Variants in CCDC61 observed in about 807,000 individuals in gnomAD.
The protein encoded by CCDC61 is coiled-coil domain containing 61.
CCDC61 carries 55 observed loss-of-function variants against 63.0 expected under a neutral mutation model. The ratio of observed to expected loss-of-function variants is 0.87; its 90% CI spans 0.70 to 1.09. The LOEUF (loss-of-function observed/expected upper bound fraction) is 1.09, where lower values mean the gene tolerates loss of function less well. Among genes scored for constraint, CCDC61 ranks in the 50% least tolerant of loss-of-function variants. CCDC61 has a pLI of 0.00. For missense variants in CCDC61, 651 were observed against 731.4 expected, an observed-to-expected ratio of 0.89 and a Z score of 1.27; for synonymous variants, 270 against 317.0, an observed-to-expected ratio of 0.85 and a Z score of 1.58.
intron 2 of CCDC61, 67 bp from the exon 3 acceptor site, chr19:46,003,352 C>A: frequency 6.6e-7 from 1 of 1,511,298 alleles, no homozygotes; most frequent in Non-Finnish European, 9.1e-7. Flanking sequence ...AATTGCAGAG[C>A]TTAGGTGCAT....
chr19:46,004,835 C>CTTTT (rs748867869), intron 3 of CCDC61, among the ~76,000 whole-genome samples: 7 of 95,266 alleles, frequency 7.3e-5, no homozygotes, highest in African/African-American at 1.3e-4. Context: ...ATTTAGATAT[C>CTTTT]TTTTTTTTTT....
chr19:46,003,511 G>T lies in CCDC61; in HGVS notation c.231+10G>T. On this transcript the variant is annotated intron_variant, in intron 3 of 13. Coordinates refer to ENST00000595358, the MANE Select transcript of CCDC61 (RefSeq NM_001267723.2). ...GTCAGCCCTCACTCAGGTAGGGCCC[G>T]GGTTGGCGGGTTGGGGTGGGAGGGG... The T allele has an allele frequency of 6.3e-7, 1 of 1,596,856 alleles. No individual in the cohort carries two copies. The highest frequency in any genetic ancestry group is 2.2e-5 in the East Asian group (1 of 44,704).
chr19:46,003,557 A>AG lies in CCDC61; in HGVS notation c.231+62dup, dbSNP rs985744211. 4 of 1,311,858 alleles carry AG rather than the reference A, an allele frequency of 3.0e-6. No homozygotes were observed. The African/African-American group carries it at 4.4e-5, about 14-fold the overall frequency. The allele number at this position is 1,311,858 out of a possible 1,614,324, so 81.3% of individuals were successfully genotyped here. A position where few individuals can be genotyped will look rare whatever the true frequency, so the allele number is the denominator to read the frequency against. On this transcript the variant is annotated intron_variant, in intron 3 of 13. Transcript: ENST00000595358. ...AGGGGGGTTCTGTCTTCCAGGTTCC[A>AG]GGGGGGTTGATGCCCATCTGATGTA...
At chr19:46,003,741 GC>G (rs1250245043) in intron 3 of CCDC61, among the ~76,000 whole-genome samples, 2 of 151,972 alleles carry the variant, frequency 1.3e-5, no homozygotes, top group African/African-American at 4.8e-5. Context: ...AATCACTCCA[GC>G]CCTAATACTC....
At chr19:45,995,575 C>T in intron 1 of CCDC61, 71 bp downstream of exon 1, 6 of 433,910 alleles carry the variant, frequency 1.4e-5, no homozygotes, top group South Asian at 9.8e-5. Flanking sequence ...AGGGGCTTCT[C>T]TCGGGGGAGA....
chr19:46,006,082 C>T (rs925219657), intron 3 of CCDC61, among the ~76,000 whole-genome samples: 6 of 152,132 alleles, frequency 3.9e-5, no homozygotes, highest in Non-Finnish European at 5.9e-5. Flanking sequence ...TTCTCTTCCC[C>T]AGCCCCCCAC....
chr19:46,016,913 C>A lies in CCDC61; in HGVS notation c.1232-78C>A. On this transcript the variant is annotated intron_variant, in intron 10 of 13. Coordinates refer to ENST00000595358, the MANE Select transcript of CCDC61 (RefSeq NM_001267723.2). This position sits in a 1 kb window ranked among gnomAD's most constrained non-coding sequence, Gnocchi z 7.2. ...GCGGGCTGGGAGGCACTGGGCAGGG[C>A]GGGCGGGCTGGGAGGGCCTGGGAAG... 1 of 257,890 alleles carries A rather than the reference C, an allele frequency of 3.9e-6. No homozygotes were observed. The highest frequency in any genetic ancestry group is 7.7e-6 in the Non-Finnish European group (1 of 129,998). The allele number at this position is 257,890 out of a possible 1,614,324, so 16.0% of individuals were successfully genotyped here.
At chr19:46,012,199 G>A (rs1157314446) in intron 5 of CCDC61, among the ~76,000 whole-genome samples, 1 of 152,180 alleles carries the variant, frequency 6.6e-6, no homozygotes, top group Non-Finnish European at 1.5e-5. Flanking sequence ...TGAATCTCTG[G>A]GATGGGACCC....
intron 3 of CCDC61, among the ~76,000 whole-genome samples, chr19:46,005,908 A>T (rs907409169): frequency 3.8e-4 from 58 of 152,064 alleles, no homozygotes; most frequent in African/African-American, 1.4e-3. Context: ...GCACAGAAGT[A>T]CTTGATGTGT....
rs747634202 is a variant in CCDC61, at chr19:46,015,466, G to C, written c.845+39G>C. The C allele has an allele frequency of 1.3e-6, 2 of 1,567,108 alleles. No individual in the cohort carries two copies. The highest frequency in any genetic ancestry group is 1.1e-5 in the South Asian group (1 of 87,560). On this transcript the variant is annotated intron_variant, in intron 7 of 13. Coordinates refer to ENST00000595358, the MANE Select transcript of CCDC61 (RefSeq NM_001267723.2). The surrounding 1 kb of genome is among the most constrained non-coding windows in gnomAD (Gnocchi z 5.3). ...CTGCCAGGCGCCTGGGCGGATGGGC[G>C]GGCCCTGAGGGTGTGGAGGCTGATG... is the stretch of plus-strand genomic sequence containing the variant.
rs1012076037 is a variant in CCDC61 at position 46,018,277 on chromosome 19, C to T, written c.1442-13C>T. 6.4e-7 allele frequency: 1 copy of T among 1,560,634 alleles called. No homozygotes were observed. The highest frequency in any genetic ancestry group is 8.7e-7 in the Non-Finnish European group (1 of 1,152,406). ...GCCCCTCACAGCCCCCATACCCACA[C>T]CTGCTCTCACAGAGTACAGCTCGGA... On this transcript the variant is annotated splice_polypyrimidine_tract_variant and intron_variant, in intron 13 of 13. Coordinates refer to ENST00000595358, the MANE Select transcript of CCDC61 (RefSeq NM_001267723.2). This position sits in a 1 kb window ranked among gnomAD's most constrained non-coding sequence, Gnocchi z 4.2.
chr19:46,017,030 GC>G lies in CCDC61; in HGVS notation c.1272del (p.Cys424Ter). 1 of 1,612,646 alleles carries G rather than the reference GC, an allele frequency of 6.2e-7. No homozygotes were observed. The highest frequency in any genetic ancestry group is 8.5e-7 in the Non-Finnish European group (1 of 1,179,392). Reference sequence around the variant, plus strand: ...AGCCGCTGCTCGTCTGCCAGCTCCTGCAGCGATTTGGAGGATTTCTCTGAGT... The same window carrying G: ...AGCCGCTGCTCGTCTGCCAGCTCCTGAGCGATTTGGAGGATTTCTCTGAGT... ...FRSRCSSASSCSDLEDFSESL... is the reference protein window; with the variant it reads ...FRSRCSSASSXSDLEDFSESL... On this transcript the variant is annotated frameshift_variant, in exon 11 of 14. Coordinates refer to ENST00000595358, the MANE Select transcript of CCDC61 (RefSeq NM_001267723.2). LOFTEE classifies it high-confidence loss of function.
intron 2 of CCDC61, 39 bp downstream of exon 2, chr19:46,003,205 C>G (rs1600641997): frequency 6.4e-7 from 1 of 1,570,712 alleles, no homozygotes. Context: ...CCTTTCCTCT[C>G]CTGGGATCAG....
intron 1 of CCDC61, among the ~76,000 whole-genome samples, chr19:45,997,762 C>T (rs116165015): frequency 0.013 from 1,941 of 152,170 alleles, 45 homozygotes; most frequent in African/African-American, 0.042. Context: ...TCTCAGCTCA[C>T]TACAACCTAC....
chr19:46,006,387 G>A (rs532942251), intron 3 of CCDC61, among the ~76,000 whole-genome samples, 172 bp from the exon 4 acceptor site: 5 of 152,334 alleles, frequency 3.3e-5, no homozygotes, highest in South Asian at 4.1e-4. Context: ...TTCTTCCTTC[G>A]ATGAAGTCCT....
rs77368648 is a variant in CCDC61, at chr19:46,015,335, C to A, written c.763-10C>A. On this transcript the variant is annotated splice_polypyrimidine_tract_variant and intron_variant, in intron 6 of 13. Transcript: ENST00000595358. This position sits in a 1 kb window ranked among gnomAD's most constrained non-coding sequence, Gnocchi z 5.3. Reference sequence around the variant, plus strand: ...GCCTGGACCTCCGCGCCCCTCTCCCCTCCCGGCAGCTCGAGGAGGCGAAGG... The same window carrying A: ...GCCTGGACCTCCGCGCCCCTCTCCCATCCCGGCAGCTCGAGGAGGCGAAGG... 6,250 of 1,598,520 alleles carry A rather than the reference C, an allele frequency of 3.9e-3. 197 individuals carry two copies. In the African/African-American group the frequency reaches 0.067, roughly 17 times the overall value.
rs376478321 is a variant in CCDC61 at position 46,002,486 on chromosome 19, A to T, written c.-11-522A>T. On this transcript the variant is annotated intron_variant, in intron 1 of 13. Coordinates refer to ENST00000595358, the MANE Select transcript of CCDC61 (RefSeq NM_001267723.2). ...GTCAGGGTCTCACTCTGTCACCCAG[A>T]CTGGAGTGCAGTGGCAAGATCACAG... Among the ~76,000 whole-genome samples the T allele has an allele frequency of 1.6e-3, 240 of 145,848 alleles. 1 individual carries two copies. Among genetic ancestry groups the T allele is most frequent in the African/African-American group, 6.0e-3 (236 of 39,292 alleles).
At chr19:46,014,946 A>G in intron 5 of CCDC61, 103 bp from the exon 6 acceptor site, 1 of 979,814 alleles carries the variant, frequency 1.0e-6, no homozygotes, top group Non-Finnish European at 1.4e-6. Flanking sequence ...TGAGCCGTGT[A>G]CCCCCTTCCG....
chr19:46,000,906 G>A (rs1282205580), intron 1 of CCDC61, among the ~76,000 whole-genome samples: 1 of 151,918 alleles, frequency 6.6e-6, no homozygotes, highest in Non-Finnish European at 1.5e-5. Flanking sequence ...GAGCAGTGGG[G>A]AAAGGGGAGT....
Sources: gnomAD v4.1 joint callset for allele counts (sites outside exome capture counted in the v4.1 genomes callset) on GRCh38, gnomAD v4.1.1 for gene constraint, Gnocchi (gnomAD v3.1) non-coding constraint, MANE v1.5 for transcripts, NCBI Gene and HGNC (gene_info 2026-07-23, HGNC 2026-07-21) for gene names.